Variants in GNG7 observed in about 807,000 individuals in gnomAD.
GNG7 encodes G protein subunit gamma 7, also known as guanine nucleotide-binding protein G(I)/G(S)/G(O) subunit gamma-7.
GNG7 carries 1 observed loss-of-function variant against 4.0 expected under a neutral mutation model. The ratio of observed to expected loss-of-function variants is 0.25; its 90% CI spans 0.09 to 1.18. The LOEUF is 1.18. GNG7 is among the 50% of genes most tolerant of loss of function. GNG7 has a pLI of 0.50. For missense variants in GNG7, 86 were observed against 91.9 expected (o/e 0.94, Z 0.26); for synonymous variants, 34 against 36.9 (o/e 0.92, Z 0.29).
chr19:2,559,351 C>G (rs1452229643), intron 2 of GNG7, among the ~76,000 whole-genome samples: 38 of 130,256 alleles, frequency 2.9e-4, no homozygotes, highest in Non-Finnish European at 5.2e-4. Context: ...TTCTGTGTGT[C>G]TTTTTTTTTT....
chr19:2,556,955 T>C (rs1026365294), intron 2 of GNG7, among the ~76,000 whole-genome samples: 2 of 152,022 alleles, frequency 1.3e-5, no homozygotes, highest in Non-Finnish European at 2.9e-5. Flanking sequence ...CCGTGTGAGA[T>C]CCCTAACCTC....
intron 2 of GNG7, among the ~76,000 whole-genome samples, chr19:2,571,588 CTTT>C (rs779497111): frequency 5.9e-4 from 40 of 68,012 alleles, no homozygotes; most frequent in African/African-American, 1.5e-3. Flanking sequence ...CATTTCTTTC[CTTT>C]TTTTTTTTTT....
intron 3 of GNG7, among the ~76,000 whole-genome samples, chr19:2,554,743 C>G (rs367600367): frequency 6.6e-6 from 1 of 151,634 alleles, no homozygotes; most frequent in Admixed American, 6.6e-5. Flanking sequence ...TTGGTAGAGA[C>G]GGGGTTTCGC....
rs143349733 is a variant in GNG7 at position 2,593,479 on chromosome 19, C to T, written c.-77-38291G>A. ...AAGAGTAGGACTGGGCGTGGTGGCT[C>T]ACACCTGTAATCCCAGCACTTTGGG... is the stretch of plus-strand genomic sequence containing the variant. On this transcript the variant is annotated intron_variant, in intron 2 of 4. Coordinates refer to ENST00000382159, the MANE Select transcript of GNG7 (RefSeq NM_052847.3). Among the ~76,000 whole-genome samples, 1,451 of 152,222 alleles carry T rather than the reference C, an allele frequency of 9.5e-3. 20 individuals carry two copies. The highest frequency in any genetic ancestry group is 0.033 in the African/African-American group (1,378 of 41,548).
intron 2 of GNG7, among the ~76,000 whole-genome samples, chr19:2,599,209 G>A (rs1386080004): frequency 6.6e-6 from 1 of 152,104 alleles, no homozygotes; most frequent in South Asian, 2.1e-4. Context: ...CTGCTTTGCT[G>A]TCCCGGGCTG....
At chr19:2,670,027 A>C (rs1420593202) in intron 1 of GNG7, among the ~76,000 whole-genome samples, 2 of 150,992 alleles carry the variant, frequency 1.3e-5, no homozygotes, top group African/African-American at 4.9e-5. Flanking sequence ...AAAAAAAAAG[A>C]AAGAAAAAGA....
At chr19:2,643,507 G>A (rs1273079835) in intron 2 of GNG7, 1 of 364,322 alleles carries the variant, frequency 2.7e-6, no homozygotes, top group South Asian at 1.7e-5. Flanking sequence ...GAGCCTCTCC[G>A]GGCTCTGCAC....
chr19:2,655,130 A>T (rs2144870878), intron 1 of GNG7, among the ~76,000 whole-genome samples: 1 of 149,100 alleles, frequency 6.7e-6, no homozygotes, highest in East Asian at 2.1e-4. Context: ...TCGAGGCTAC[A>T]GTGAGCTGAG....
rs146947982 is a variant in GNG7, at chr19:2,608,165, C to T, written c.-78+38059G>A. ...GCCACTCATGACACAGAGCGTGGCA[C>T]GTCGGTTTCACACCTAAAAGTCAGA... On this transcript the variant is annotated intron_variant, in intron 2 of 4. Transcript: ENST00000382159. Among the ~76,000 whole-genome samples, 1,080 of 151,986 alleles carry T rather than the reference C, an allele frequency of 7.1e-3. 16 individuals carry two copies. The highest frequency in any genetic ancestry group is 0.025 in the African/African-American group (1,019 of 41,448).
chr19:2,645,051 T>C (rs915887804), intron 2 of GNG7, among the ~76,000 whole-genome samples: 2 of 152,108 alleles, frequency 1.3e-5, no homozygotes, highest in Admixed American at 1.3e-4. Context: ...TGCCATAAAA[T>C]TCAAGTGAAG....
Position 2,680,571 on chromosome 19 carries a change from ATTTTTTT to A in GNG7, c.-135+22068_-135+22074del, listed in dbSNP as rs967188330. 2.6e-4 allele frequency among the ~76,000 whole-genome samples: 33 copies of A among 126,010 alleles called. 1 individual carries two copies. The highest frequency in any genetic ancestry group is 2.4e-4 in the African/African-American group (8 of 33,336). 82.7% of individuals were successfully genotyped at this position (126,010 alleles called of 152,430 possible). Reference sequence around the variant, plus strand: ...AAATACACTTAACACAAAATTTACAATTTTTTTTTTTTTTTTTTTTTGAGATGGAGTT... The same window carrying A: ...AAATACACTTAACACAAAATTTACAATTTTTTTTTTTTTTGAGATGGAGTT... On this transcript the variant is annotated intron_variant, in intron 1 of 4. Coordinates refer to ENST00000382159, the MANE Select transcript of GNG7 (RefSeq NM_052847.3).
chr19:2,517,717 G>A (rs1599369062), intron 4 of GNG7, among the ~76,000 whole-genome samples: 1 of 152,148 alleles, frequency 6.6e-6, no homozygotes, highest in African/African-American at 2.4e-5. Flanking sequence ...TCACTATGTT[G>A]CTCAGGCTGG....
Position 2,634,976 on chromosome 19 carries a change from G to T in GNG7, c.-78+11248C>A, listed in dbSNP as rs147645638. On this transcript the variant is annotated intron_variant, in intron 2 of 4. Transcript: ENST00000382159. The surrounding 1 kb of genome is among the most constrained non-coding windows in gnomAD (Gnocchi z 5.3). ...AGGTCGCAAAGTTCTTCCGCACTCA[G>T]TGAGGCAAGAAGCAAAAAGGCTGAA... Among the ~76,000 whole-genome samples the T allele has an allele frequency of 0.016, 2,377 of 152,312 alleles. 26 individuals carry two copies. The highest frequency in any genetic ancestry group is 0.022 in the Non-Finnish European group (1,512 of 68,016).
At chr19:2,575,073 CTTTTT>C (rs1188088273) in intron 2 of GNG7, among the ~76,000 whole-genome samples, 3 of 148,110 alleles carry the variant, frequency 2.0e-5, no homozygotes, top group Non-Finnish European at 3.0e-5. Context: ...TTTTTCTTTC[CTTTTT>C]TTCTTTCTTT....
At chr19:2,586,435 G>C (rs1450390261) in intron 2 of GNG7, among the ~76,000 whole-genome samples, 1 of 152,192 alleles carries the variant, frequency 6.6e-6, no homozygotes, top group Non-Finnish European at 1.5e-5. Flanking sequence ...CTGGGATGGC[G>C]CGTCTGGCTT....
At position 2,633,481 on chromosome 19, in the gene GNG7, G is replaced by GCACACACACGCACA. The variant is rs1463722921; in HGVS notation, c.-78+12742_-78+12743insTGTGCGTGTGTGTG. 2.5e-5 allele frequency among the ~76,000 whole-genome samples: 2 copies of GCACACACACGCACA among 80,448 alleles called. No homozygotes were observed. Among genetic ancestry groups the GCACACACACGCACA allele is most frequent in the African/African-American group, 7.9e-5 (2 of 25,372 alleles). The allele number at this position is 80,448 out of a possible 152,430, so 52.8% of individuals were successfully genotyped here. A position where few individuals can be genotyped will look rare whatever the true frequency, so the allele number is the denominator to read the frequency against. ...GTTGCTTAGCAACAGGCGCGCGCGCGCGCGCGCACACACACACACACACAC... is the reference window on the plus strand; with the variant it reads ...GTTGCTTAGCAACAGGCGCGCGCGCGCACACACACGCACACGCGCGCACACACACACACACACAC... On this transcript the variant is annotated intron_variant, in intron 2 of 4. Coordinates refer to ENST00000382159, the MANE Select transcript of GNG7 (RefSeq NM_052847.3). This position sits in a 1 kb window ranked among gnomAD's most constrained non-coding sequence, Gnocchi z 5.9.
intron 2 of GNG7, among the ~76,000 whole-genome samples, chr19:2,604,579 A>AGGGAGCG: frequency 6.9e-6 from 1 of 144,262 alleles, no homozygotes; most frequent in African/African-American, 2.6e-5. Context: ...AGAGGGAGGA[A>AGGGAGCG]AAAGAGAAAG....
intron 1 of GNG7, among the ~76,000 whole-genome samples, chr19:2,700,300 C>T (rs1007103991): frequency 1.3e-5 from 2 of 152,060 alleles, no homozygotes; most frequent in Admixed American, 1.3e-4. Context: ...CGCCACTATG[C>T]CCAGCTAATT....
rs1287956689 is a variant in GNG7, at chr19:2,512,506, AG to A, written c.*2515del. 1 of 323,096 alleles carries A rather than the reference AG, an allele frequency of 3.1e-6. No individual in the cohort carries two copies. The highest frequency in any genetic ancestry group is 4.5e-6 in the Non-Finnish European group (1 of 224,650). The allele number at this position is 323,096 out of a possible 1,614,324, so 20.0% of individuals were successfully genotyped here. Reference sequence around the variant, plus strand: ...CCCTGTGGACAGTGAAGGAGAGGCCAGCCTGTCCTTCCCCTCCCCGAGCCTC... The same window carrying A: ...CCCTGTGGACAGTGAAGGAGAGGCCACCTGTCCTTCCCCTCCCCGAGCCTC... On this transcript the variant is annotated 3_prime_UTR_variant, in exon 5 of 5. Transcript: ENST00000382159. The surrounding 1 kb of genome is among the most constrained non-coding windows in gnomAD (Gnocchi z 4.7).
Sources: allele counts gnomAD v4.1 joint callset (sites outside exome capture counted in the v4.1 genomes callset), GRCh38; gene constraint gnomAD v4.1.1; non-coding constraint Gnocchi (gnomAD v3.1); transcripts MANE v1.5; gene names NCBI Gene and HGNC (gene_info 2026-07-23, HGNC 2026-07-21).